CPE: variants seen among roughly 807,000 people sequenced by gnomAD.
CPE encodes the protein carboxypeptidase E, also known as carbocypeptidase E.
A neutral mutation model predicts 53.5 loss-of-function variants in CPE; 17 were observed. That is an observed-to-expected ratio of 0.32 (90% CI 0.22 to 0.48). The LOEUF (loss-of-function observed/expected upper bound fraction) is 0.48, where lower values mean the gene tolerates loss of function less well. Ranked by LOEUF, CPE falls within the 20% of genes least tolerant of loss-of-function variation. CPE has a pLI of 0.99. For synonymous variants in CPE, 226 were observed against 228.8 expected, an observed-to-expected ratio of 0.99 and a Z score of 0.11; for missense variants, 524 against 614.7, an observed-to-expected ratio of 0.85 and a Z score of 1.56.
intron 1 of CPE, among the ~76,000 whole-genome samples, chr4:165,399,036 T>C (rs1331052067): frequency 2.6e-5 from 4 of 152,208 alleles, no homozygotes; most frequent in Non-Finnish European, 4.4e-5. Flanking sequence ...TTTATTGTGG[T>C]ACTTACTTAT....
intron 1 of CPE, among the ~76,000 whole-genome samples, chr4:165,403,215 G>T (rs1031226568): frequency 6.6e-6 from 1 of 152,090 alleles, no homozygotes; most frequent in African/African-American, 2.4e-5. Flanking sequence ...AAAGCTGAAG[G>T]CGACTGTTTT....
At chr4:165,465,856 T>G (rs1214188544) in intron 2 of CPE, among the ~76,000 whole-genome samples, 1 of 152,210 alleles carries the variant, frequency 6.6e-6, no homozygotes, top group African/African-American at 2.4e-5. Context: ...AAAAAATAGG[T>G]TGCTGTGATT....
chr4:165,490,347 T>C (rs1368220567), intron 6 of CPE, among the ~76,000 whole-genome samples: 1 of 152,138 alleles, frequency 6.6e-6, no homozygotes, highest in Non-Finnish European at 1.5e-5. Flanking sequence ...AAAGAATGGT[T>C]CATGGGCCAG....
intron 1 of CPE, among the ~76,000 whole-genome samples, chr4:165,445,523 G>T (rs1183935925): frequency 1.3e-5 from 2 of 151,970 alleles, no homozygotes; most frequent in Admixed American, 6.6e-5. Context: ...AAAAATAATG[G>T]CAATAACAAG....
intron 1 of CPE, among the ~76,000 whole-genome samples, chr4:165,387,756 C>T (rs985905482): frequency 1.1e-4 from 17 of 152,200 alleles, no homozygotes; most frequent in African/African-American, 1.7e-4. Context: ...TTGTGGTGAG[C>T]GAGATCGCAC....
chr4:165,486,617 G>T (rs1732509490), intron 5 of CPE, among the ~76,000 whole-genome samples: 1 of 152,170 alleles, frequency 6.6e-6, no homozygotes, highest in South Asian at 2.1e-4. Flanking sequence ...TGGGTGAGCT[G>T]TTAAAACTTC....
At position 165,480,862 on chromosome 4, in the gene CPE, A is replaced by G. The variant is rs533361384; in HGVS notation, c.673-1380A>G. The stretch of plus-strand genomic sequence containing the variant: ...ATATAAATGATCACATTTAAAAATT[A>G]TATAAATACATTGGGAAAAGACTGA... On this transcript the variant is annotated intron_variant, in intron 3 of 8. Transcript: ENST00000402744. Among the ~76,000 whole-genome samples, 1,300 of 152,050 alleles carry G rather than the reference A, an allele frequency of 8.5e-3. 16 individuals are homozygous for G. Among genetic ancestry groups the G allele is most frequent in the African/African-American group, 0.03 (1,233 of 41,494 alleles).
intron 1 of CPE, among the ~76,000 whole-genome samples, chr4:165,400,228 T>C (rs1338443750): frequency 1.3e-5 from 2 of 152,308 alleles, no homozygotes; most frequent in East Asian, 3.9e-4. Context: ...ATTCATTTCA[T>C]AGCAGAATTT....
In CPE at chr4:165,484,511, G is replaced by A. The variant is rs1732471382; in HGVS notation, c.880G>A (p.Asp294Asn). Residue 294 changes from aspartate to asparagine, a missense_variant, in exon 5 of 9, where the codon GAC becomes AAC. By Grantham distance (23) the Asp-to-Asn change is conservative. Coordinates refer to ENST00000402744, the MANE Select transcript of CPE (RefSeq NM_001873.4). ...CTCTTCTTTCAACCCGGCCATGTCT[G>A]ACCCCAATCGGCCACCATGTCGCAA... ...AYSSFNPAMSDPNRPPCRKND... is the reference protein window; with the variant it reads ...AYSSFNPAMSNPNRPPCRKND... 1 of 1,614,112 alleles carries A rather than the reference G, an allele frequency of 6.2e-7. No homozygotes were observed. The highest frequency in any genetic ancestry group is 2.2e-5 in the East Asian group (1 of 44,878).
chr4:165,402,957 T>A (rs1478582469), intron 1 of CPE, among the ~76,000 whole-genome samples: 1 of 152,234 alleles, frequency 6.6e-6, no homozygotes, highest in Non-Finnish European at 1.5e-5. Flanking sequence ...TGGAAATAGA[T>A]TGTTCTTTTG....
intron 6 of CPE, among the ~76,000 whole-genome samples, chr4:165,490,660 G>A (rs72705404): frequency 0.044 from 6,641 of 149,436 alleles, 231 homozygotes; most frequent in East Asian, 0.15. Flanking sequence ...AAAAAGAATG[G>A]TTCATGGGCA....
chr4:165,435,131 T>C (rs542923236), intron 1 of CPE, among the ~76,000 whole-genome samples: 2 of 152,302 alleles, frequency 1.3e-5, no homozygotes, highest in South Asian at 2.1e-4. Flanking sequence ...AAACCTCTTG[T>C]CTTTATGAAT....
chr4:165,444,021 T>A (rs1044961770), intron 1 of CPE, among the ~76,000 whole-genome samples: 2 of 152,198 alleles, frequency 1.3e-5, no homozygotes, highest in Non-Finnish European at 2.9e-5. Context: ...TTGGCCATCC[T>A]AGCATTCTGA....
rs1730465514 is a variant in CPE at position 165,379,415 on chromosome 4, C to T, written c.194C>T (p.Ser65Phe). 1 of 1,610,502 alleles carries T rather than the reference C, an allele frequency of 6.2e-7. No individual in the cohort carries two copies. The change falls in exon 1 of 9, where the codon TCC becomes TTC. Residue 65 changes from serine (S) to phenylalanine (F), a missense_variant. Coordinates refer to ENST00000402744, the MANE Select transcript of CPE (RefSeq NM_001873.4). This position sits in a 1 kb window ranked among gnomAD's most constrained non-coding sequence, Gnocchi z 6.0. ...RYPELREALV[S>F]VWLQCTAISR... ...CCCGAGCTGCGCGAGGCGCTCGTGT[C>T]CGTGTGGCTGCAGTGCACCGCCATC...
chr4:165,461,166 C>CAAAAAAAAAAAAAAAACAAAAAAAAAAAA (rs1731992678), intron 1 of CPE, among the ~76,000 whole-genome samples: 1 of 44,200 alleles, frequency 2.3e-5, no homozygotes, highest in Non-Finnish European at 4.8e-5. Flanking sequence ...GCCTCTGCCT[C>CAAAAAAAAAAAAAAAACAAAAAAAAAAAA]AAAAAAAAAA....
intron 4 of CPE, among the ~76,000 whole-genome samples, chr4:165,483,170 C>G (rs1251451670): frequency 6.6e-6 from 1 of 151,920 alleles, no homozygotes. Context: ...TTTGGAGTCC[C>G]CAGGGTCTAT....
chr4:165,453,424 C>T (rs2076032702), intron 1 of CPE, among the ~76,000 whole-genome samples: 1 of 151,116 alleles, frequency 6.6e-6, no homozygotes, highest in Admixed American at 6.6e-5. Context: ...CTCACTCTGT[C>T]ACCCAGGCTG....
At chr4:165,380,752 AG>A (rs1730494771) in intron 1 of CPE, among the ~76,000 whole-genome samples, 1 of 152,234 alleles carries the variant, frequency 6.6e-6, no homozygotes, top group Admixed American at 6.5e-5. Flanking sequence ...ATAAATCTTC[AG>A]GAAATATTTC....
chr4:165,444,759 A>T (rs1731676338), intron 1 of CPE, among the ~76,000 whole-genome samples: 1 of 152,178 alleles, frequency 6.6e-6, no homozygotes, highest in African/African-American at 2.4e-5. Context: ...AGAGAGATTC[A>T]TCTTGGGCTG....
Sources: allele counts gnomAD v4.1 joint callset (sites outside exome capture counted in the v4.1 genomes callset), GRCh38; gene constraint gnomAD v4.1.1; non-coding constraint Gnocchi (gnomAD v3.1); transcripts MANE v1.5; gene names NCBI Gene and HGNC (gene_info 2026-07-23, HGNC 2026-07-21).